The following BTD variants were observed in gnomAD, a reference collection of about 807,000 sequenced individuals.
BTD encodes biocytinase.
Under a neutral mutation model 17.7 loss-of-function variants are expected in BTD, and 13 were observed. That is an observed-to-expected ratio of 0.74 (90% confidence interval 0.48 to 1.17). The LOEUF (loss-of-function observed/expected upper bound fraction) is 1.17. BTD is among the 50% of genes most tolerant of loss of function. The pLI is 0.00. For missense variants in BTD, 674 were observed against 650.4 expected (o/e 1.04, Z -0.39); for synonymous variants, 240 against 245.2 (o/e 0.98, Z 0.20).
intron 1 of BTD, among the ~76,000 whole-genome samples, chr3:15,607,518 C>G (rs894117716): frequency 6.6e-6 from 1 of 152,226 alleles, no homozygotes; most frequent in Non-Finnish European, 1.5e-5. Context: ...GGCAGTAACT[C>G]TTAAAGCCCC....
downstream of BTD, among the ~76,000 whole-genome samples, chr3:15,716,532 C>G (rs952554120): frequency 6.6e-6 from 1 of 152,008 alleles, no homozygotes; most frequent in Admixed American, 6.6e-5. Context: ...GATTCTCCAG[C>G]CTTGGCTTCC....
intron 1 of BTD, among the ~76,000 whole-genome samples, chr3:15,621,544 G>T (rs2064951185): frequency 6.6e-6 from 1 of 151,776 alleles, no homozygotes; most frequent in Non-Finnish European, 1.5e-5. Context: ...CAGATTGTCT[G>T]TTTTTCTTGT....
chr3:15,676,019 A>T (rs2066899312), intron 3 of BTD: 7 of 1,579,450 alleles, frequency 4.4e-6, no homozygotes, highest in Admixed American at 1.7e-5. Context: ...ACATGTACAC[A>T]TATGTGCATG....
chr3:15,638,092 A>C (rs562487769), intron 2 of BTD, among the ~76,000 whole-genome samples: 1 of 152,230 alleles, frequency 6.6e-6, no homozygotes, highest in African/African-American at 2.4e-5. Flanking sequence ...TTGTTCTCAC[A>C]TAACAGTAGA....
At chr3:15,628,753 G>GT (rs1359858792) in intron 1 of BTD, among the ~76,000 whole-genome samples, 3 of 152,096 alleles carry the variant, frequency 2.0e-5, no homozygotes, top group African/African-American at 4.8e-5. Context: ...CCAATCAATA[G>GT]TTTAAGACTT....
chr3:15,721,361 A>T (rs534769048), intron 4 of BTD, among the ~76,000 whole-genome samples: 1 of 152,216 alleles, frequency 6.6e-6, no homozygotes, highest in South Asian at 2.1e-4. Context: ...CACATACACA[A>T]TGTCTACTTC....
At chr3:15,710,054 A>C (rs2072025263) in intron 3 of BTD, among the ~76,000 whole-genome samples, 1 of 146,592 alleles carries the variant, frequency 6.8e-6, no homozygotes. Context: ...TTTTTTCTTG[A>C]AACAGAGCCT....
downstream of BTD, among the ~76,000 whole-genome samples, chr3:15,715,415 G>A (rs1409569021): frequency 6.6e-6 from 1 of 152,288 alleles, no homozygotes; most frequent in African/African-American, 2.4e-5. Context: ...GTACAACGCA[G>A]ATATTCTTTA....
chr3:15,671,820 A>C (rs934119734), intron 3 of BTD, among the ~76,000 whole-genome samples: 4 of 152,128 alleles, frequency 2.6e-5, no homozygotes, highest in African/African-American at 9.6e-5. Context: ...CCTGGCCTCA[A>C]GTGATCTGCC....
rs1443126760 is a variant in BTD at position 15,647,368 on chromosome 3, G to A, written c.*1880G>A. Reference sequence around the variant, plus strand: ...ATAAGCCTGAGAAAGAGAGGCCAGCGCTAAATACAGACTTGGCAGAACTAC... The same window carrying A: ...ATAAGCCTGAGAAAGAGAGGCCAGCACTAAATACAGACTTGGCAGAACTAC... On this transcript the variant is annotated 3_prime_UTR_variant, in exon 4 of 4. Transcript: ENST00000643237. 7 of 152,218 alleles carry A rather than the reference G, an allele frequency of 4.6e-5. No individual in the cohort carries two copies. Among genetic ancestry groups the A allele is most frequent in the Admixed American group, 6.5e-5 (1 of 15,280 alleles). 9.4% of individuals were successfully genotyped at this position (152,218 alleles called of 1,614,324 possible).
chr3:15,698,267 AC>A (rs1363263855), intron 3 of BTD, among the ~76,000 whole-genome samples: 1 of 152,128 alleles, frequency 6.6e-6, no homozygotes, highest in Non-Finnish European at 1.5e-5. Context: ...GTTATGACAA[AC>A]CCACAGCCAA....
intron 4 of BTD, among the ~76,000 whole-genome samples, chr3:15,719,899 C>G (rs1380993150): frequency 2.6e-5 from 4 of 151,990 alleles, no homozygotes; most frequent in Non-Finnish European, 4.4e-5. Flanking sequence ...GAGACAGGGT[C>G]TCACTCTGTC....
intron 3 of BTD, among the ~76,000 whole-genome samples, chr3:15,699,293 T>C (rs1316173814): frequency 8.5e-5 from 13 of 152,086 alleles, no homozygotes. Context: ...AAAACCCTAT[T>C]AGAAAACCTA....
chr3:15,720,455 CACA>C (rs2073594298), intron 4 of BTD, among the ~76,000 whole-genome samples: 1 of 152,190 alleles, frequency 6.6e-6, no homozygotes, highest in Non-Finnish European at 1.5e-5. Flanking sequence ...CACCTCTAAA[CACA>C]ACATTAACTA....
intron 1 of BTD, among the ~76,000 whole-genome samples, chr3:15,626,819 T>C (rs1223309846): frequency 6.7e-6 from 1 of 149,432 alleles, no homozygotes; most frequent in Non-Finnish European, 1.5e-5. Context: ...AAAGAAGCTA[T>C]AGGACATAGG....
At chr3:15,624,913 A>G (rs1475140542) in intron 1 of BTD, among the ~76,000 whole-genome samples, 1 of 152,052 alleles carries the variant, frequency 6.6e-6, no homozygotes, top group Non-Finnish European at 1.5e-5. Flanking sequence ...TTGTATTTTT[A>G]GTAAAGACAG....
intron 3 of BTD, chr3:15,696,090 T>A: frequency 7.7e-7 from 1 of 1,295,928 alleles, no homozygotes; most frequent in South Asian, 1.3e-5. Flanking sequence ...ATTATTAGAC[T>A]ATAAACTCCC....
chr3:15,670,189 C>G, intron 3 of BTD: 1 of 1,455,636 alleles, frequency 6.9e-7, no homozygotes, highest in South Asian at 1.4e-5. Context: ...GGTTGAATTT[C>G]TACGTGAATA....
Position 15,645,536 on chromosome 3 carries a change from C to G in BTD, c.*48C>G. On this transcript the variant is annotated 3_prime_UTR_variant, in exon 4 of 4. Coordinates refer to ENST00000643237, the MANE Select transcript of BTD (RefSeq NM_001370658.1). ...CGGACTCTGGCCATCATGTTGACAG[C>G]CTTGCACTTCCACAGGCTACAAGCC... 1.9e-6 allele frequency: 3 copies of G among 1,587,968 alleles called. No homozygotes were observed. The highest frequency in any genetic ancestry group is 2.6e-6 in the Non-Finnish European group (3 of 1,171,360).
Sources: gnomAD v4.1 joint callset for allele counts (sites outside exome capture counted in the v4.1 genomes callset) on GRCh38, gnomAD v4.1.1 for gene constraint, MANE v1.5 for transcripts, NCBI Gene and HGNC (gene_info 2026-07-23, HGNC 2026-07-21) for gene names.